MATN2: variants seen among roughly 807,000 people sequenced by gnomAD.
MATN2 encodes the protein matrilin-2.
In MATN2, 69 loss-of-function variants were observed where a neutral mutation model predicts 103.2. The ratio of observed to expected loss-of-function variants is 0.67; its 90% confidence interval spans 0.55 to 0.82. The LOEUF (loss-of-function observed/expected upper bound fraction) is 0.82. MATN2 is among the 40% of genes least tolerant of loss of function. MATN2 has a pLI of 0.00. For missense variants in MATN2, 1,023 were observed against 1,211.5 expected, an observed-to-expected ratio of 0.84 and a Z score of 2.31; for synonymous variants, 429 against 450.2, an observed-to-expected ratio of 0.95 and a Z score of 0.60.
chr8:98,035,805 A>G lies in MATN2; in HGVS notation c.*93A>G. On this transcript the variant is annotated 3_prime_UTR_variant, in exon 19 of 19. Coordinates refer to ENST00000254898, the MANE Select transcript of MATN2 (RefSeq NM_002380.5). ...CAAAGCTCAGGCTATTGTTAAATCA[A>G]TAATGTTGTGAAGTAAAACAATCAG... 1 of 740,500 alleles carries G rather than the reference A, an allele frequency of 1.4e-6. No individual in the cohort carries two copies. Among genetic ancestry groups the G allele is most frequent in the Non-Finnish European group, 2.1e-6 (1 of 471,182 alleles). The allele number at this position is 740,500 out of a possible 1,614,324, so 45.9% of individuals were successfully genotyped here.
At chr8:98,025,422 A>G (rs1046653927) in intron 13 of MATN2, 4 of 187,954 alleles carry the variant, frequency 2.1e-5, no homozygotes, top group Non-Finnish European at 4.5e-5. Context: ...TATATAAAAC[A>G]GAATGTTTAT....
intron 2 of MATN2, among the ~76,000 whole-genome samples, chr8:97,900,326 G>T (rs1180024754): frequency 1.3e-5 from 2 of 152,218 alleles, no homozygotes; most frequent in East Asian, 1.9e-4. Context: ...GCACAGGCAG[G>T]ATCTTTGGGA....
chr8:97,919,452 G>A (rs901823627), intron 2 of MATN2, among the ~76,000 whole-genome samples: 1 of 152,068 alleles, frequency 6.6e-6, no homozygotes, highest in Non-Finnish European at 1.5e-5. Context: ...GGCTGGTCTC[G>A]AACTCTTGAC....
intron 2 of MATN2, among the ~76,000 whole-genome samples, chr8:97,896,431 G>T (rs1331412229): frequency 6.6e-6 from 1 of 152,202 alleles, no homozygotes; most frequent in Non-Finnish European, 1.5e-5. Context: ...TATTCTGGAA[G>T]CCAAGGAAGG....
Position 98,007,565 on chromosome 8 carries a change from G to A in MATN2, c.1537G>A (p.Gly513Arg). The A allele has an allele frequency of 6.2e-7, 1 of 1,613,128 alleles. No homozygotes were observed. The highest frequency in any genetic ancestry group is 1.1e-5 in the South Asian group (1 of 91,064). Residue 513 changes from glycine (G) to arginine (R), a missense_variant, in exon 10 of 19, where the codon GGA becomes AGA. Gly to Arg is a moderately radical substitution (Grantham distance 125). Transcript: ENST00000254898. This position sits in a 1 kb window ranked among gnomAD's most constrained non-coding sequence, Gnocchi z 4.2. ...DRSFACQCPE[G>R]HVLRSDGKTC... ...ATCCTTTGCCTGTCAGTGTCCTGAG[G>A]GACACGTGCTCCGCAGCGATGGGAA...
chr8:98,007,296 G>C lies in MATN2; in HGVS notation c.1450+69G>C. On this transcript the variant is annotated intron_variant, in intron 9 of 18. Coordinates refer to ENST00000254898, the MANE Select transcript of MATN2 (RefSeq NM_002380.5). This position sits in a 1 kb window ranked among gnomAD's most constrained non-coding sequence, Gnocchi z 4.2. ...GGAGTGAAACCTATGTGACTGCAGA[G>C]GGCACAGGTTGTACTTGGGCACCCC... is the stretch of plus-strand genomic sequence containing the variant. The C allele has an allele frequency of 6.2e-7, 1 of 1,602,260 alleles. No individual in the cohort carries two copies. Among genetic ancestry groups the C allele is most frequent in the African/African-American group, 1.3e-5 (1 of 74,798 alleles).
chr8:97,889,839 G>A (rs1012739230), intron 2 of MATN2, among the ~76,000 whole-genome samples: 8 of 151,908 alleles, frequency 5.3e-5, no homozygotes, highest in African/African-American at 1.7e-4. Flanking sequence ...GCCTGGAAAA[G>A]CACACTGCTT....
intron 3 of MATN2, among the ~76,000 whole-genome samples, chr8:97,936,411 C>G (rs1810369458): frequency 2.0e-5 from 3 of 152,130 alleles, no homozygotes. Context: ...TAGGACACAC[C>G]CTTCATGAAC....
At chr8:97,988,189 TACACACACACAC>T (rs58039452) in intron 6 of MATN2, among the ~76,000 whole-genome samples, 7 of 54,914 alleles carry the variant, frequency 1.3e-4, no homozygotes, top group African/African-American at 3.1e-4. Flanking sequence ...TATATATATA[TACACACACACAC>T]ATATGTATAC....
At chr8:97,932,204 T>C (rs1176372622) in intron 3 of MATN2, among the ~76,000 whole-genome samples, 1 of 152,052 alleles carries the variant, frequency 6.6e-6, no homozygotes, top group Non-Finnish European at 1.5e-5. Context: ...CTTCAGCACA[T>C]GGAGCTGCCC....
At chr8:97,905,825 A>G (rs925686749) in intron 2 of MATN2, among the ~76,000 whole-genome samples, 1 of 151,936 alleles carries the variant, frequency 6.6e-6, no homozygotes, top group African/African-American at 2.4e-5. Context: ...ATGCCTGGCT[A>G]ATTTTTTGTA....
intron 5 of MATN2, among the ~76,000 whole-genome samples, chr8:97,967,391 G>T (rs920231086): frequency 6.6e-5 from 10 of 151,928 alleles, no homozygotes; most frequent in African/African-American, 2.4e-4. Flanking sequence ...TCCAAAGTCT[G>T]AAGTGTCATC....
chr8:97,949,171 A>ATG (rs1554606122), intron 4 of MATN2, among the ~76,000 whole-genome samples: 182 of 140,482 alleles, frequency 1.3e-3, no homozygotes, highest in African/African-American at 4.6e-3. Flanking sequence ...ACTAGAATGG[A>ATG]TTTTTTTTTT....
chr8:98,012,214 C>T (rs377747469), intron 10 of MATN2, among the ~76,000 whole-genome samples: 15 of 151,996 alleles, frequency 9.9e-5, no homozygotes, highest in African/African-American at 3.1e-4. Context: ...CTGCATTGTG[C>T]GGGGTGCTGG....
chr8:98,013,131 A>T (rs1813226580), intron 10 of MATN2, among the ~76,000 whole-genome samples: 1 of 152,208 alleles, frequency 6.6e-6, no homozygotes. Flanking sequence ...TGCCCTGGGT[A>T]GAAACTGACT....
rs985236012 is a variant in MATN2, at chr8:97,895,034, G to A, written c.142+6792G>A. 1.2e-4 allele frequency among the ~76,000 whole-genome samples: 18 copies of A among 152,144 alleles called. 1 individual carries two copies. The highest frequency in any genetic ancestry group is 7.4e-5 in the Non-Finnish European group (5 of 68,010). On this transcript the variant is annotated intron_variant, in intron 2 of 18. Coordinates refer to ENST00000254898, the MANE Select transcript of MATN2 (RefSeq NM_002380.5). Reference sequence around the variant, plus strand: ...ATTGCAGGCGCCCGCCACCATGCCCGGCTAATTTTTGTATTTTTAGTAGAG... The same window carrying A: ...ATTGCAGGCGCCCGCCACCATGCCCAGCTAATTTTTGTATTTTTAGTAGAG...
chr8:97,891,715 GT>G (rs1818637983), intron 2 of MATN2, among the ~76,000 whole-genome samples: 1 of 152,172 alleles, frequency 6.6e-6, no homozygotes, highest in Non-Finnish European at 1.5e-5. Flanking sequence ...CTTTGTTTAT[GT>G]GGGTTAGATC....
chr8:97,901,801 C>T (rs1818992657), intron 2 of MATN2, among the ~76,000 whole-genome samples: 1 of 152,172 alleles, frequency 6.6e-6, no homozygotes, highest in South Asian at 2.1e-4. Context: ...AAAACTCACT[C>T]ATAAAACCAT....
intron 3 of MATN2, among the ~76,000 whole-genome samples, chr8:97,941,302 A>G (rs2130181343): frequency 6.6e-6 from 1 of 152,230 alleles, no homozygotes; most frequent in African/African-American, 2.4e-5. Flanking sequence ...ACTTTTGCAT[A>G]TTAAAAATTT....
Sources: gnomAD v4.1 joint callset for allele counts (sites outside exome capture counted in the v4.1 genomes callset) on GRCh38, gnomAD v4.1.1 for gene constraint, Gnocchi (gnomAD v3.1) non-coding constraint, MANE v1.5 for transcripts, NCBI Gene and HGNC (gene_info 2026-07-23, HGNC 2026-07-21) for gene names.